The following MBD5 variants were observed in gnomAD, a reference collection of about 807,000 sequenced individuals.
MBD5 encodes methyl-CpG binding domain protein 5.
Under a neutral mutation model 117.3 loss-of-function variants are expected in MBD5, and 13 were observed. The observed-to-expected ratio is 0.11, with a 90% CI of 0.07 to 0.18. The LOEUF (loss-of-function observed/expected upper bound fraction) is 0.18, where lower values mean the gene tolerates loss of function less well. Among genes scored for constraint, MBD5 ranks in the 10% least tolerant of loss-of-function variants. MBD5 has a pLI of 1.00. For missense variants in MBD5, 1,879 were observed against 2,093.8 expected (o/e 0.90, Z 2.00); for synonymous variants, 727 against 766.4 (o/e 0.95, Z 0.85).
chr2:148,022,890 C>T (rs1693799200), intron 1 of MBD5, among the ~76,000 whole-genome samples: 1 of 152,078 alleles, frequency 6.6e-6, no homozygotes. Flanking sequence ...GTTCTTAGTG[C>T]ATAGCTTTAA....
In MBD5 at chr2:148,489,702, G is replaced by A; in HGVS notation, c.4070G>A (p.Ser1357Asn). ...ISPIPALSAM[S>N]AFTASIGDPL... ...CCCATTCCAGCTCTGAGTGCCATGA[G>A]TGCCTTCACTGCCTCAATTGGTGAC... Residue 1357 changes from serine to asparagine, a missense_variant, in exon 11 of 14, where the codon AGT becomes AAT. Transcript: ENST00000642680. 8 of 1,614,192 alleles carry A rather than the reference G, an allele frequency of 5.0e-6. No homozygotes were observed. Among genetic ancestry groups the A allele is most frequent in the Non-Finnish European group, 6.8e-6 (8 of 1,180,038 alleles).
intron 1 of MBD5, among the ~76,000 whole-genome samples, chr2:148,047,736 G>A (rs1694570531): frequency 6.6e-6 from 1 of 152,212 alleles, no homozygotes; most frequent in African/African-American, 2.4e-5. Flanking sequence ...CAACCACTTA[G>A]GATGAGAATA....
chr2:148,028,081 A>C (rs1393632704), intron 1 of MBD5: 1 of 152,080 alleles, frequency 6.6e-6, no homozygotes, highest in Non-Finnish European at 1.5e-5. Context: ...GGCTTAACTT[A>C]TATTATGGTA....
Position 148,458,667 on chromosome 2 carries a change from A to G in MBD5, c.-92A>G. Reference sequence around the variant, plus strand: ...TACAGTCTGGGAAAAACTGTGCTGCACTGGCCCACTTTTGAAGGCCATCAT... The same window carrying G: ...TACAGTCTGGGAAAAACTGTGCTGCGCTGGCCCACTTTTGAAGGCCATCAT... On this transcript the variant is annotated 5_prime_UTR_variant, in exon 5 of 14. Transcript: ENST00000642680. 9.2e-7 allele frequency: 1 copy of G among 1,091,086 alleles called. No homozygotes were observed. Among genetic ancestry groups the G allele is most frequent in the Non-Finnish European group, 1.4e-6 (1 of 708,392 alleles). The allele number at this position is 1,091,086 out of a possible 1,614,324, so 67.6% of individuals were successfully genotyped here.
intron 4 of MBD5, among the ~76,000 whole-genome samples, chr2:148,397,282 A>G (rs1704747808): frequency 6.7e-6 from 1 of 150,298 alleles, no homozygotes; most frequent in Non-Finnish European, 1.5e-5. Flanking sequence ...TAGCTAATAC[A>G]TGAATGTGCA....
intron 4 of MBD5, among the ~76,000 whole-genome samples, chr2:148,382,274 TG>T (rs1251524059): frequency 6.6e-6 from 1 of 151,182 alleles, no homozygotes; most frequent in Admixed American, 6.6e-5. Flanking sequence ...ACCAAGCAAA[TG>T]GAAATCAAAA....
At chr2:148,445,679 A>G (rs1459732344) in intron 4 of MBD5, among the ~76,000 whole-genome samples, 1 of 151,356 alleles carries the variant, frequency 6.6e-6, no homozygotes, top group Non-Finnish European at 1.5e-5. Context: ...GTCAAATGGT[A>G]TTTCTAGTTC....
At chr2:148,333,905 C>T (rs902847934) in intron 3 of MBD5, among the ~76,000 whole-genome samples, 5 of 152,010 alleles carry the variant, frequency 3.3e-5, no homozygotes, top group African/African-American at 1.2e-4. Context: ...TTTATTCACA[C>T]CAAAGAATGA....
intron 1 of MBD5, among the ~76,000 whole-genome samples, chr2:148,050,487 T>G (rs1240779494): frequency 6.6e-6 from 1 of 152,168 alleles, no homozygotes; most frequent in Non-Finnish European, 1.5e-5. Context: ...CATATATGAT[T>G]GCAATATTTT....
chr2:148,023,639 C>G (rs1220045214), intron 1 of MBD5, among the ~76,000 whole-genome samples: 1 of 152,032 alleles, frequency 6.6e-6, no homozygotes, highest in Non-Finnish European at 1.5e-5. Context: ...AAGAGAGAGA[C>G]AGTAGAACTT....
intron 3 of MBD5, among the ~76,000 whole-genome samples, chr2:148,261,009 T>G (rs1397702388): frequency 6.6e-6 from 1 of 152,174 alleles, no homozygotes; most frequent in Non-Finnish European, 1.5e-5. Context: ...AAAGGAGTAT[T>G]TTTTTCTGAG....
chr2:148,470,335 C>T lies in MBD5; in HGVS notation c.2392C>T (p.Gln798Ter). The T allele has an allele frequency of 6.2e-7, 1 of 1,613,934 alleles. No homozygotes were observed. Among genetic ancestry groups the T allele is most frequent in the Non-Finnish European group, 8.5e-7 (1 of 1,179,894 alleles). ...QASGNCGMLSQSGMALGNSLH... is the reference protein window; with the variant it reads ...QASGNCGMLS ...TAGCGGGAACTGTGGGATGCTCAGT[C>T]AGTCGGGCATGGCTTTAGGAAATTC... Residue 798 changes from glutamine (Q) to a stop codon, truncating the protein, a stop_gained, in exon 8 of 14, where the codon CAG becomes TAG. Transcript: ENST00000642680. LOFTEE classifies it high-confidence loss of function.
intron 2 of MBD5, among the ~76,000 whole-genome samples, chr2:148,189,289 C>G (rs1698767240): frequency 1.3e-5 from 2 of 150,336 alleles, no homozygotes; most frequent in Admixed American, 6.6e-5. Context: ...TCTGTAGGCT[C>G]CACCTCTGGG....
chr2:148,282,818 C>T (rs1391715475), intron 3 of MBD5, among the ~76,000 whole-genome samples: 4 of 151,248 alleles, frequency 2.6e-5, no homozygotes, highest in Non-Finnish European at 5.9e-5. Context: ...TCTGTACTTT[C>T]TGGGTCATTT....
intron 1 of MBD5, among the ~76,000 whole-genome samples, chr2:148,175,047 A>G (rs1698350571): frequency 6.6e-6 from 1 of 152,168 alleles, no homozygotes; most frequent in Non-Finnish European, 1.5e-5. Flanking sequence ...GAATCAAACT[A>G]AGATGATGAA....
chr2:148,370,641 A>G (rs1703824982), intron 4 of MBD5, among the ~76,000 whole-genome samples: 1 of 152,044 alleles, frequency 6.6e-6, no homozygotes, highest in Non-Finnish European at 1.5e-5. Flanking sequence ...GATGTGCACC[A>G]CTACACTTGG....
At chr2:148,403,750 CTGTA>C (rs142590372) in intron 4 of MBD5, among the ~76,000 whole-genome samples, 2,061 of 152,216 alleles carry the variant, frequency 0.014, 55 homozygotes, top group African/African-American at 0.046. Context: ...GCACTCATAT[CTGTA>C]TGTGTGTGTA....
chr2:148,104,190 C>T (rs950838597), intron 1 of MBD5, among the ~76,000 whole-genome samples: 1 of 152,126 alleles, frequency 6.6e-6, no homozygotes, highest in Non-Finnish European at 1.5e-5. Context: ...TTCTCTCCCC[C>T]TCACTGGACC....
intron 1 of MBD5, among the ~76,000 whole-genome samples, chr2:148,088,165 G>A (rs919259857): frequency 3.3e-5 from 5 of 151,844 alleles, no homozygotes; most frequent in African/African-American, 9.7e-5. Flanking sequence ...CAAAGGCAAA[G>A]AAAAAAGAAT....
Sources: allele counts gnomAD v4.1 joint callset (sites outside exome capture counted in the v4.1 genomes callset), GRCh38; gene constraint gnomAD v4.1.1; transcripts MANE v1.5; gene names NCBI Gene and HGNC (gene_info 2026-07-23, HGNC 2026-07-21).